ASPRV1: variants seen among roughly 807,000 people sequenced by gnomAD.
ASPRV1 encodes the protein retroviral-like aspartic protease 1.
Under a neutral mutation model 11.0 loss-of-function variants are expected in ASPRV1, and 7 were observed. That is an observed-to-expected ratio of 0.64 (90% confidence interval 0.36 to 1.20). The LOEUF (loss-of-function observed/expected upper bound fraction) is 1.20. ASPRV1 is among the 50% of genes most tolerant of loss of function. The pLI is 0.02. For missense variants in ASPRV1, 299 were observed against 320.0 expected, an observed-to-expected ratio of 0.93 and a Z score of 0.50; for synonymous variants, 136 against 138.4, an observed-to-expected ratio of 0.98 and a Z score of 0.12.
chr2:70,030,116 A>G, the ASPRV1 span: 1 of 152,238 alleles, frequency 6.6e-6, no homozygotes, highest in Non-Finnish European at 1.5e-5. Context: ...AAGGATTACT[A>G]CAGCACAAAA....
chr2:70,060,366 TA>T, the ASPRV1 span, among the ~76,000 whole-genome samples: 2 of 144,016 alleles, frequency 1.4e-5, no homozygotes, highest in Non-Finnish European at 3.0e-5. Flanking sequence ...AAAAGCCTAT[TA>T]AAGAGGACAA....
the ASPRV1 span, among the ~76,000 whole-genome samples, chr2:70,022,220 T>C: frequency 6.6e-6 from 1 of 151,822 alleles, no homozygotes; most frequent in South Asian, 2.1e-4. Flanking sequence ...TTTCACCGTG[T>C]TAGCCAGGGT....
chr2:70,026,801 A>G, the ASPRV1 span, among the ~76,000 whole-genome samples: 2 of 152,138 alleles, frequency 1.3e-5, no homozygotes. Flanking sequence ...ATTCAATGCA[A>G]TCTCTACCAA....
At chr2:70,047,970 G>A in the ASPRV1 span, among the ~76,000 whole-genome samples, 3,712 of 151,938 alleles carry the variant, frequency 0.024, 340 homozygotes, top group Admixed American at 0.17. Context: ...TTAGCTGGGC[G>A]TGGTGGCGTG....
At chr2:70,028,904 T>C in the ASPRV1 span, among the ~76,000 whole-genome samples, 1 of 152,070 alleles carries the variant, frequency 6.6e-6, no homozygotes, top group Non-Finnish European at 1.5e-5. Context: ...GCCGTGCCAC[T>C]GCACTCCAGC....
chr2:70,048,706 T>C, the ASPRV1 span: 4 of 152,532 alleles, frequency 2.6e-5, no homozygotes, highest in African/African-American at 9.7e-5. Flanking sequence ...ACAACAGAAA[T>C]TTATTCTCTT....
At chr2:70,055,603 G>C in the ASPRV1 span, 6 of 145,366 alleles carry the variant, frequency 4.1e-5, no homozygotes, top group Admixed American at 1.4e-4. Flanking sequence ...ACAGAGAAGG[G>C]AATAACACAC....
chr2:70,071,647 C>T, the ASPRV1 span: 1 of 152,128 alleles, frequency 6.6e-6, no homozygotes, highest in African/African-American at 2.4e-5. Flanking sequence ...GAGGCCAAGG[C>T]AGAAGAATCA....
At chr2:70,010,450 C>G in the ASPRV1 span, among the ~76,000 whole-genome samples, 8 of 152,014 alleles carry the variant, frequency 5.3e-5, no homozygotes, top group African/African-American at 1.9e-4. Flanking sequence ...AGGCCTGGAG[C>G]TGAGAGAGTG....
the ASPRV1 span, among the ~76,000 whole-genome samples, chr2:70,015,007 GGCCAACAATCATATGTAAAGAT>G: frequency 3.3e-5 from 5 of 152,038 alleles, no homozygotes; most frequent in African/African-American, 9.7e-5. Flanking sequence ...GGACACAAAT[GGCCAACAATCATATGTAAAGAT>G]GCTCAACATC....
At chr2:69,946,508 T>G in the ASPRV1 span, among the ~76,000 whole-genome samples, 1 of 152,198 alleles carries the variant, frequency 6.6e-6, no homozygotes, top group Non-Finnish European at 1.5e-5. Flanking sequence ...GCAAACAGCT[T>G]TTCCCCATGC....
the ASPRV1 span, among the ~76,000 whole-genome samples, chr2:69,984,609 G>GTTT: frequency 3.8e-5 from 4 of 106,170 alleles, no homozygotes; most frequent in African/African-American, 1.6e-4. Flanking sequence ...TTCAGGTCCA[G>GTTT]CTTTTTTTTT....
the ASPRV1 span, among the ~76,000 whole-genome samples, chr2:70,064,301 C>G: frequency 6.6e-6 from 1 of 152,108 alleles, no homozygotes; most frequent in Admixed American, 6.6e-5. Context: ...AATACTCTAT[C>G]CCCCTCCCTA....
the ASPRV1 span, among the ~76,000 whole-genome samples, chr2:69,998,935 G>A: frequency 9.2e-5 from 14 of 152,130 alleles, no homozygotes; most frequent in Admixed American, 9.2e-4. Flanking sequence ...CAGGCCAAGA[G>A]CCATAGCAGT....
chr2:70,083,328 G>A, the ASPRV1 span, among the ~76,000 whole-genome samples: 2 of 152,204 alleles, frequency 1.3e-5, no homozygotes, highest in Non-Finnish European at 2.9e-5. Flanking sequence ...TGGCTCTTCT[G>A]TAAAATGGGC....
the ASPRV1 span, among the ~76,000 whole-genome samples, chr2:69,990,754 C>A: frequency 1.3e-5 from 2 of 152,134 alleles, no homozygotes; most frequent in Non-Finnish European, 2.9e-5. Context: ...CACACCTGGC[C>A]TCCCTTTTAA....
At chr2:69,948,806 C>T in the ASPRV1 span, among the ~76,000 whole-genome samples, 1 of 152,134 alleles carries the variant, frequency 6.6e-6, no homozygotes, top group Non-Finnish European at 1.5e-5. Flanking sequence ...TAAATCCTGC[C>T]CTCCCGCGAA....
chr2:69,999,955 C>A, the ASPRV1 span, among the ~76,000 whole-genome samples: 1 of 152,142 alleles, frequency 6.6e-6, no homozygotes, highest in Non-Finnish European at 1.5e-5. Context: ...CTTGAGTTGG[C>A]CCCGCTCGCC....
the ASPRV1 span, among the ~76,000 whole-genome samples, chr2:70,020,869 G>C: frequency 6.6e-6 from 1 of 152,122 alleles, no homozygotes; most frequent in Non-Finnish European, 1.5e-5. Context: ...GGAGAATAGG[G>C]AGTTTTCATT....
Sources: gnomAD v4.1 joint callset for allele counts (sites outside exome capture counted in the v4.1 genomes callset) on GRCh38, gnomAD v4.1.1 for gene constraint, MANE v1.5 for transcripts, NCBI Gene and HGNC (gene_info 2026-07-23, HGNC 2026-07-21) for gene names.